LTBR: variants seen among roughly 807,000 people sequenced by gnomAD.
LTBR encodes lymphotoxin beta receptor.
A neutral mutation model predicts 45.4 loss-of-function variants in LTBR; 15 were observed. The ratio of observed to expected loss-of-function variants is 0.33; its 90% CI spans 0.22 to 0.51. The LOEUF (loss-of-function observed/expected upper bound fraction) is 0.51. Among genes scored for constraint, LTBR ranks in the 20% least tolerant of loss-of-function variants. LTBR has a pLI of 0.97. For synonymous variants in LTBR, 228 were observed against 231.0 expected, an observed-to-expected ratio of 0.99 and a Z score of 0.12; for missense variants, 450 against 565.5, an observed-to-expected ratio of 0.80 and a Z score of 2.07.
intron 4 of LTBR, chr12:6,385,861 C>T (rs1259275039): frequency 3.4e-5 from 16 of 466,918 alleles, no homozygotes; most frequent in Middle Eastern, 5.8e-4. Context: ...GCCGAGATCG[C>T]GCCACTGCAC....
chr12:6,378,945 A>C (rs1948948163), intron 1 of LTBR, among the ~76,000 whole-genome samples: 1 of 151,934 alleles, frequency 6.6e-6, no homozygotes, highest in Non-Finnish European at 1.5e-5. Context: ...GCAGGGAGAG[A>C]AGTGAAACCA....
rs761191109 is a variant in LTBR, at chr12:6,386,475, G to T, written c.667+31G>T. ...GGACCAGGGCTGAGGGACACGGGGG[G>T]GGCGCCTCTGAAAATGCCTTAATGC... is the stretch of plus-strand genomic sequence containing the variant. On this transcript the variant is annotated intron_variant, in intron 6 of 9. Coordinates refer to ENST00000228918, the MANE Select transcript of LTBR (RefSeq NM_002342.3). This position sits in a 1 kb window ranked among gnomAD's most constrained non-coding sequence, Gnocchi z 4.1. 3.2e-6 allele frequency: 5 copies of T among 1,564,078 alleles called. No individual in the cohort carries two copies. In the Admixed American group the frequency reaches 5.1e-5, roughly 16 times the overall value.
At chr12:6,380,219 G>A (rs79785722), upstream of LTBR, among the ~76,000 whole-genome samples, 4,565 of 151,644 alleles carry the variant, frequency 0.03, 261 homozygotes, top group African/African-American at 0.1. Context: ...AGTCACCCCC[G>A]TTGAAAAGAC....
chr12:6,390,429 C>A, intron 9 of LTBR, 89 bp downstream of exon 9: 1 of 1,224,884 alleles, frequency 8.2e-7, no homozygotes, highest in Non-Finnish European at 1.1e-6. Flanking sequence ...AATAAAAAGA[C>A]CAAAACAGAG....
rs1252281527 is a variant in LTBR at position 6,388,932 on chromosome 12, C to G, written c.801+107C>G. ...CAGGCTGACTCCACACTCATTCATT[C>G]ATTCAACTGATGATTTACTGAACAT... On this transcript the variant is annotated intron_variant, in intron 8 of 9. Transcript: ENST00000228918. This position sits in a 1 kb window ranked among gnomAD's most constrained non-coding sequence, Gnocchi z 4.3. 2 of 1,354,934 alleles carry G rather than the reference C, an allele frequency of 1.5e-6. No homozygotes were observed. Among genetic ancestry groups the G allele is most frequent in the East Asian group, 2.3e-5 (1 of 43,410 alleles). The allele number at this position is 1,354,934 out of a possible 1,614,324, so 83.9% of individuals were successfully genotyped here.
At position 6,390,685 on chromosome 12, in the gene LTBR, C is replaced by G; in HGVS notation, c.1056C>G (p.Gly352=). The G allele has an allele frequency of 1.3e-6, 2 of 1,495,388 alleles. No homozygotes were observed. The highest frequency in any genetic ancestry group is 4.6e-5 in the East Asian group (2 of 43,224). 92.6% of individuals were successfully genotyped at this position (1,495,388 alleles called of 1,614,324 possible). Reference sequence around the variant, plus strand: ...GTACCAATGGCATTCATGTCACCGGCGGGTCTATGACTATCACTGGCAACA... The same window carrying G: ...GTACCAATGGCATTCATGTCACCGGGGGGTCTATGACTATCACTGGCAACA... ...AHGTNGIHVT[G]GSMTITGNIY... The change falls in exon 10 of 10, where the codon GGC becomes GGG. Residue 352 remains glycine (G), a synonymous_variant. Coordinates refer to ENST00000228918, the MANE Select transcript of LTBR (RefSeq NM_002342.3).
chr12:6,376,579 G>GTTGATGGGCTATA (rs1948914129), intron 1 of LTBR, among the ~76,000 whole-genome samples: 1 of 152,240 alleles, frequency 6.6e-6, no homozygotes, highest in South Asian at 2.1e-4. Context: ...GGAGAAATTC[G>GTTGATGGGCTATA]TTGATGGGCT....
intron 1 of LTBR, chr12:6,377,025 A>C: frequency 2.1e-6 from 1 of 471,226 alleles, no homozygotes; most frequent in Admixed American, 3.8e-5. Context: ...GGGCTAGGGG[A>C]GCCTAGGGGC....
Position 6,386,191 on chromosome 12 carries a change from C to A in LTBR, c.569+29C>A. The A allele has an allele frequency of 6.3e-7, 1 of 1,585,240 alleles. No homozygotes were observed. Among genetic ancestry groups the A allele is most frequent in the Non-Finnish European group, 8.7e-7 (1 of 1,154,444 alleles). On this transcript the variant is annotated intron_variant, in intron 5 of 9. Coordinates refer to ENST00000228918, the MANE Select transcript of LTBR (RefSeq NM_002342.3). The surrounding 1 kb of genome is among the most constrained non-coding windows in gnomAD (Gnocchi z 4.1). ...AGTGCAGCCCCACCCAAGCTCCTTC[C>A]ACCCTCTGAGAAGCCTCAGCTGCTA...
Position 6,385,251 on chromosome 12 carries a change from C to G in LTBR, c.344C>G (p.Pro115Arg). 1 of 1,614,142 alleles carries G rather than the reference C, an allele frequency of 6.2e-7. No individual in the cohort carries two copies. Among genetic ancestry groups the G allele is most frequent in the Admixed American group, 1.7e-5 (1 of 60,026 alleles). Residue 115 changes from proline to arginine, a missense_variant, in exon 4 of 10, where the codon CCC (proline) becomes CGC (arginine). Pro to Arg is a moderately radical substitution (Grantham distance 103). Around this residue, in one of 3 missense-constraint regions of LTBR, gnomAD observed 367 missense variants for 435.4 expected, o/e 0.84. Coordinates refer to ENST00000228918, the MANE Select transcript of LTBR (RefSeq NM_002342.3). ...DPVMGLEEIA[P>R]CTSKRKTQCR... ...GTGATGGGCCTCGAGGAGATTGCCC[C>G]CTGCACAAGCAAACGGAAGACCCAG...
At chr12:6,390,022 GAGAA>G (rs1949092766) in intron 8 of LTBR, 86 bp from the exon 9 acceptor site, 1 of 799,380 alleles carries the variant, frequency 1.3e-6, no homozygotes, top group East Asian at 2.4e-5. Context: ...AAGAAAGAAA[GAGAA>G]AGAGAGAAAG....
chr12:6,382,874 G>T (rs995517753), upstream of LTBR, among the ~76,000 whole-genome samples: 3 of 152,300 alleles, frequency 2.0e-5, no homozygotes, highest in African/African-American at 4.8e-5. Flanking sequence ...AGACATCCCT[G>T]AGCCACAAGG....
rs1286410929 is a variant in LTBR, at chr12:6,386,466, A to T, written c.667+22A>T. 1 of 1,436,736 alleles carries T rather than the reference A, an allele frequency of 7.0e-7. No homozygotes were observed. The highest frequency in any genetic ancestry group is 2.4e-5 in the East Asian group (1 of 40,868). 89.0% of individuals were successfully genotyped at this position (1,436,736 alleles called of 1,614,324 possible). A position where few individuals can be genotyped will look rare whatever the true frequency, so the allele number is the denominator to read the frequency against. On this transcript the variant is annotated intron_variant, in intron 6 of 9. Coordinates refer to ENST00000228918, the MANE Select transcript of LTBR (RefSeq NM_002342.3). This position sits in a 1 kb window ranked among gnomAD's most constrained non-coding sequence, Gnocchi z 4.1. ...TCAGGTGAGGGACCAGGGCTGAGGG[A>T]CACGGGGGGGGCGCCTCTGAAAATG...
At chr12:6,375,215 C>A, upstream of LTBR, 1 of 1,442,652 alleles carries the variant, frequency 6.9e-7, no homozygotes, top group Non-Finnish European at 9.0e-7. Flanking sequence ...TCTCTATCTG[C>A]CTTCTGTTTC....
In LTBR at chr12:6,388,300, T is replaced by C. The variant is rs1209688389; in HGVS notation, c.668-98T>C. 9.3e-6 allele frequency: 8 copies of C among 856,674 alleles called. No individual in the cohort carries two copies. Among genetic ancestry groups the C allele is most frequent in the Non-Finnish European group, 1.6e-5 (8 of 514,788 alleles). 53.1% of individuals were successfully genotyped at this position (856,674 alleles called of 1,614,324 possible). On this transcript the variant is annotated intron_variant, in intron 6 of 9. Transcript: ENST00000228918. The surrounding 1 kb of genome is among the most constrained non-coding windows in gnomAD (Gnocchi z 4.3). ...AGGAAAAAAGCTGCTCCCTTTTCTC[T>C]GTCTGGGTTGCCCAGGGATCTGGAA...
intron 6 of LTBR, chr12:6,387,774 C>G: frequency 2.4e-6 from 1 of 412,332 alleles, no homozygotes; most frequent in Non-Finnish European, 4.9e-6. Context: ...CGAACTCCAG[C>G]CTCTCTTTCT....
At chr12:6,385,773 G>A in intron 4 of LTBR, 1 of 206,270 alleles carries the variant, frequency 4.8e-6, no homozygotes, top group Non-Finnish European at 7.8e-6. Flanking sequence ...GGGCGTGGTG[G>A]TGGGCGCCTG....
Position 6,386,363 on chromosome 12 carries a change from C to T in LTBR, c.586C>T (p.Leu196=). ...CCTCTGCAGGTGTGAGAACCAAGGT[C>T]TGGTGGAGGCAGCTCCAGGCACTGC... ...QPHTRCENQG[L]VEAAPGTAQS... The change falls in exon 6 of 10, where the codon CTG becomes TTG. Residue 196 remains leucine, a synonymous_variant. Transcript: ENST00000228918. The surrounding 1 kb of genome is among the most constrained non-coding windows in gnomAD (Gnocchi z 4.1). 1 of 1,613,692 alleles carries T rather than the reference C, an allele frequency of 6.2e-7. No individual in the cohort carries two copies. The highest frequency in any genetic ancestry group is 2.2e-5 in the East Asian group (1 of 44,888).
intron 4 of LTBR, 92 bp from the exon 5 acceptor site, chr12:6,385,974 G>A (rs1455540405): frequency 2.4e-6 from 2 of 817,852 alleles, no homozygotes; most frequent in East Asian, 2.4e-5. Flanking sequence ...GGGGTGGATG[G>A]GCATCCTGAG....
Sources: allele counts gnomAD v4.1 joint callset (sites outside exome capture counted in the v4.1 genomes callset), GRCh38; gene constraint gnomAD v4.1.1; regional missense constraint gnomAD v4.1.1; non-coding constraint Gnocchi (gnomAD v3.1); transcripts MANE v1.5; gene names NCBI Gene and HGNC (gene_info 2026-07-23, HGNC 2026-07-21).